The following LGI1 variants were observed in gnomAD, a reference collection of about 807,000 sequenced individuals.
LGI1 encodes leucine-rich glioma-inactivated protein 1.
In LGI1, 11 loss-of-function variants were observed where a neutral mutation model predicts 57.7. The observed-to-expected ratio is 0.19, with a 90% CI of 0.12 to 0.32. LGI1 has a LOEUF of 0.32. Ranked by LOEUF, LGI1 falls within the 10% of genes least tolerant of loss-of-function variation. The pLI, the probability that LGI1 is intolerant of heterozygous loss-of-function variation, is 1.00. For missense variants in LGI1, 422 were observed against 661.9 expected, an observed-to-expected ratio of 0.64 and a Z score of 3.98; for synonymous variants, 222 against 241.9, an observed-to-expected ratio of 0.92 and a Z score of 0.76.
intron 2 of LGI1, chr10:93,771,943 C>T (rs2059746168): frequency 6.8e-6 from 1 of 146,874 alleles, no homozygotes; most frequent in Non-Finnish European, 1.5e-5. Context: ...CCATGGCACT[C>T]CAGCCTGGGC....
chr10:93,795,949 GC>G (rs2059976063), intron 7 of LGI1, among the ~76,000 whole-genome samples: 1 of 152,224 alleles, frequency 6.6e-6, no homozygotes, highest in Non-Finnish European at 1.5e-5. Context: ...AGAACTTTCT[GC>G]CCCGCACTAG....
chr10:93,772,153 C>T (rs1235883685), intron 2 of LGI1, among the ~76,000 whole-genome samples: 1 of 151,808 alleles, frequency 6.6e-6, no homozygotes, highest in Non-Finnish European at 1.5e-5. Flanking sequence ...AAGTAATATC[C>T]TTAATAAATA....
intron 2 of LGI1, among the ~76,000 whole-genome samples, chr10:93,776,464 A>G (rs2059795544): frequency 6.6e-6 from 1 of 152,142 alleles, no homozygotes; most frequent in African/African-American, 2.4e-5. Flanking sequence ...ACAAAGTGAG[A>G]TCTCCTAGTT....
intron 4 of LGI1, among the ~76,000 whole-genome samples, chr10:93,784,793 A>G (rs10736081): frequency 0.81 from 122,899 of 151,976 alleles, 54,064 homozygotes; most frequent in Non-Finnish European, 0.97. Flanking sequence ...CCCTACTGCA[A>G]TTCAGGGTGA....
intron 4 of LGI1, 138 bp downstream of exon 4, chr10:93,777,755 C>A: frequency 1.5e-6 from 1 of 679,768 alleles, no homozygotes; most frequent in Admixed American, 2.4e-5. Context: ...TGCACACTTG[C>A]CATCTTTCCC....
intron 4 of LGI1, among the ~76,000 whole-genome samples, chr10:93,785,783 C>T (rs56086622): frequency 0.077 from 3,680 of 47,692 alleles, 1,002 homozygotes; most frequent in African/African-American, 0.1. Context: ...TCAAATAATC[C>T]TAATATCAAC....
In LGI1 at chr10:93,758,985, G is replaced by A. The variant is rs982610392; in HGVS notation, c.287+154G>A. On this transcript the variant is annotated intron_variant, in intron 2 of 7. Transcript: ENST00000371418. This position sits in a 1 kb window ranked among gnomAD's most constrained non-coding sequence, Gnocchi z 4.7. ...GTGAGAGGTAGATGGGTTTGTTTGCGACTTCACACCAACAGTGCAGGTTGA... is the reference window on the plus strand; with the variant it reads ...GTGAGAGGTAGATGGGTTTGTTTGCAACTTCACACCAACAGTGCAGGTTGA... 51 of 660,180 alleles carry A rather than the reference G, an allele frequency of 7.7e-5. No individual in the cohort carries two copies. Among genetic ancestry groups the A allele is most frequent in the Non-Finnish European group, 1.3e-4 (47 of 372,974 alleles). 40.9% of individuals were successfully genotyped at this position (660,180 alleles called of 1,614,324 possible).
At chr10:93,773,388 C>T (rs770480369) in intron 2 of LGI1, among the ~76,000 whole-genome samples, 1 of 152,130 alleles carries the variant, frequency 6.6e-6, no homozygotes, top group African/African-American at 2.4e-5. Context: ...GGCCTTGCGA[C>T]CTCAAGGAAA....
chr10:93,764,163 C>A (rs1169916262), intron 2 of LGI1: 1 of 152,124 alleles, frequency 6.6e-6, no homozygotes, highest in Non-Finnish European at 1.5e-5. Flanking sequence ...CACTTTTCAC[C>A]CTGATATGGC....
At position 93,774,798 on chromosome 10, in the gene LGI1, T is replaced by C. The variant is rs115857864; in HGVS notation, c.288-2581T>C. 2.1e-3 allele frequency among the ~76,000 whole-genome samples: 314 copies of C among 152,298 alleles called. 1 individual carries two copies. The highest frequency in any genetic ancestry group is 7.0e-3 in the African/African-American group (290 of 41,566). ...CTGTGGAATACTTTAACATATCTGG[T>C]TCAATAACAAATTATAATAATGAAA... On this transcript the variant is annotated intron_variant, in intron 2 of 7. Coordinates refer to ENST00000371418, the MANE Select transcript of LGI1 (RefSeq NM_005097.4).
intron 2 of LGI1, among the ~76,000 whole-genome samples, chr10:93,775,435 T>C (rs2059784686): frequency 6.6e-6 from 1 of 152,234 alleles, no homozygotes; most frequent in Non-Finnish European, 1.5e-5. Flanking sequence ...CAAACATTAT[T>C]CAGCCAGGAA....
intron 7 of LGI1, among the ~76,000 whole-genome samples, chr10:93,795,483 A>G (rs1317545963): frequency 6.6e-6 from 1 of 152,214 alleles, no homozygotes; most frequent in Non-Finnish European, 1.5e-5. Flanking sequence ...TGGAGTCCTC[A>G]TGATCTAATC....
intron 7 of LGI1, chr10:93,794,886 A>G (rs1270138668): frequency 6.6e-6 from 1 of 152,076 alleles, no homozygotes; most frequent in African/African-American, 2.4e-5. Context: ...CATCACCCTC[A>G]TTGCTCAAAG....
chr10:93,765,573 A>G (rs565816779), intron 2 of LGI1: 20 of 152,292 alleles, frequency 1.3e-4, no homozygotes, highest in Admixed American at 9.2e-4. Context: ...GCATTTTGAG[A>G]CCCTTGCATT....
In LGI1 at chr10:93,758,178, G is replaced by T. The variant is rs770065197; in HGVS notation, c.34G>T (p.Ala12Ser). The change falls in exon 1 of 8, where the codon GCC (alanine) becomes TCC (serine). Residue 12 changes from alanine to serine, a missense_variant. Physicochemically the swap from Ala to Ser is moderately conservative, Grantham distance 99 (BLOSUM62 1). This residue lies in a region of LGI1 where 58 missense variants were observed against 61.8 expected (regional missense o/e 0.94). Coordinates refer to ENST00000371418, the MANE Select transcript of LGI1 (RefSeq NM_005097.4). This position sits in a 1 kb window ranked among gnomAD's most constrained non-coding sequence, Gnocchi z 4.7. ...ESERSKRMGN[A>S]CIPLKRIAYF... is the part of the protein sequence containing the mutation. ...AGAAAGAAGCAAAAGGATGGGAAAT[G>T]CCTGCATTCCCCTGAAAAGAATTGC... The T allele has an allele frequency of 5.0e-6, 8 of 1,614,202 alleles. No individual in the cohort carries two copies. In the Admixed American group the frequency reaches 1.3e-4, roughly 27 times the overall value.
intron 2 of LGI1, among the ~76,000 whole-genome samples, chr10:93,761,694 T>C (rs1404763289): frequency 6.6e-6 from 1 of 152,124 alleles, no homozygotes; most frequent in Non-Finnish European, 1.5e-5. Context: ...CCACATTCCG[T>C]AGAGAAGAGA....
At chr10:93,789,884 GTAAA>G in intron 4 of LGI1, 1 of 537,130 alleles carries the variant, frequency 1.9e-6, no homozygotes, top group South Asian at 2.7e-5. Context: ...AGAAATAAAA[GTAAA>G]TAAATATGGA....
chr10:93,777,730 A>G, intron 4 of LGI1, 113 bp downstream of exon 4: 1 of 791,532 alleles, frequency 1.3e-6, no homozygotes, highest in Non-Finnish European at 2.2e-6. Context: ...AAGAAACCCA[A>G]ATGACTTCTC....
chr10:93,769,183 C>T (rs2059709576), intron 2 of LGI1: 3 of 152,166 alleles, frequency 2.0e-5, no homozygotes, highest in Non-Finnish European at 2.9e-5. Flanking sequence ...TTAGTAAAAA[C>T]CAAAGGGTTT....
Sources: allele counts gnomAD v4.1 joint callset (sites outside exome capture counted in the v4.1 genomes callset), GRCh38; gene constraint gnomAD v4.1.1; regional missense constraint gnomAD v4.1.1; non-coding constraint Gnocchi (gnomAD v3.1); transcripts MANE v1.5; gene names NCBI Gene and HGNC (gene_info 2026-07-23, HGNC 2026-07-21).